Variants in ATG10 observed in about 807,000 individuals in gnomAD.
The protein encoded by ATG10 is ubiquitin-like-conjugating enzyme ATG10.
ATG10 carries 30 observed loss-of-function variants against 32.1 expected under a neutral mutation model. That is an observed-to-expected ratio of 0.94 (90% CI 0.70 to 1.27). The LOEUF (loss-of-function observed/expected upper bound fraction) is 1.27, where lower values mean the gene tolerates loss of function less well. Among genes scored for constraint, ATG10 ranks in the 50% most tolerant of loss-of-function variants. The pLI is 0.00. For missense variants in ATG10, 233 were observed against 262.3 expected (o/e 0.89, Z 0.77); for synonymous variants, 87 against 91.5 (o/e 0.95, Z 0.28).
At chr5:82,150,330 T>G (rs749273118) in intron 3 of ATG10, among the ~76,000 whole-genome samples, 1 of 152,164 alleles carries the variant, frequency 6.6e-6, no homozygotes, top group Non-Finnish European at 1.5e-5. Flanking sequence ...GTATAATTTT[T>G]CAGGGTGCTG....
chr5:82,160,534 T>C (rs1351373691), intron 3 of ATG10, among the ~76,000 whole-genome samples: 2 of 152,156 alleles, frequency 1.3e-5, no homozygotes, highest in African/African-American at 4.8e-5. Flanking sequence ...AGTTGGTCGG[T>C]TGTGTGGTAA....
intron 5 of ATG10, among the ~76,000 whole-genome samples, chr5:82,239,020 T>G (rs1746681428): frequency 6.6e-6 from 1 of 152,216 alleles, no homozygotes; most frequent in South Asian, 2.1e-4. Flanking sequence ...ACATAATTTT[T>G]TAAAGTAAAT....
At chr5:82,127,745 A>C (rs1290119869) in intron 3 of ATG10, among the ~76,000 whole-genome samples, 2 of 152,138 alleles carry the variant, frequency 1.3e-5, no homozygotes, top group Non-Finnish European at 2.9e-5. Flanking sequence ...TGCTGAGAAG[A>C]ATGTATATGC....
At chr5:82,043,243 G>A (rs931086849) in intron 2 of ATG10, among the ~76,000 whole-genome samples, 13 of 152,194 alleles carry the variant, frequency 8.5e-5, no homozygotes, top group South Asian at 4.1e-4. Flanking sequence ...CTCTGAAGCC[G>A]TGGCCCTAGC....
chr5:81,992,667 G>A (rs1761499052), intron 2 of ATG10, among the ~76,000 whole-genome samples: 1 of 152,074 alleles, frequency 6.6e-6, no homozygotes, highest in South Asian at 2.1e-4. Context: ...GCCTCCCAAA[G>A]TGCCGGGATT....
chr5:82,105,873 A>G (rs1361507614), intron 3 of ATG10, among the ~76,000 whole-genome samples: 3 of 152,176 alleles, frequency 2.0e-5, no homozygotes, highest in Non-Finnish European at 4.4e-5. Context: ...CTTAAGGAAA[A>G]AATGATTTCC....
intron 3 of ATG10, among the ~76,000 whole-genome samples, chr5:82,060,601 C>T (rs929478031): frequency 6.6e-6 from 1 of 152,112 alleles, no homozygotes; most frequent in East Asian, 1.9e-4. Flanking sequence ...GGTGGCTCAA[C>T]GCCTGTAATA....
At chr5:82,200,234 C>T (rs1018090415) in intron 5 of ATG10, among the ~76,000 whole-genome samples, 1 of 151,882 alleles carries the variant, frequency 6.6e-6, no homozygotes, top group African/African-American at 2.4e-5. Flanking sequence ...TTTTATACTC[C>T]CACTAGCAAT....
chr5:82,066,733 C>T (rs1435208304), intron 3 of ATG10, among the ~76,000 whole-genome samples: 2 of 152,062 alleles, frequency 1.3e-5, no homozygotes, highest in East Asian at 1.9e-4. Context: ...CTCATTTGCC[C>T]TAAGGATTTT....
At chr5:82,170,726 A>G (rs56309331) in intron 4 of ATG10, among the ~76,000 whole-genome samples, 2,491 of 152,090 alleles carry the variant, frequency 0.016, 68 homozygotes, top group African/African-American at 0.056. Flanking sequence ...CTGGCAGATC[A>G]CCTGAGGTCA....
At chr5:82,175,499 T>C (rs949485625) in intron 4 of ATG10, among the ~76,000 whole-genome samples, 15 of 152,306 alleles carry the variant, frequency 9.8e-5, no homozygotes, top group African/African-American at 2.9e-4. Flanking sequence ...AGGTGATGAT[T>C]GCACAACTCT....
At chr5:82,050,811 AG>A (rs1164778154) in intron 2 of ATG10, among the ~76,000 whole-genome samples, 1 of 135,962 alleles carries the variant, frequency 7.4e-6, no homozygotes, top group Non-Finnish European at 1.6e-5. Context: ...AGACCAGCCT[AG>A]GCAACATAGC....
chr5:82,015,943 A>G (rs559045893), intron 2 of ATG10, among the ~76,000 whole-genome samples: 8 of 152,222 alleles, frequency 5.3e-5, no homozygotes, highest in Non-Finnish European at 7.4e-5. Flanking sequence ...TTTTTTCCCC[A>G]TCTTCATGGT....
chr5:82,212,544 G>A (rs1465185994), intron 5 of ATG10, among the ~76,000 whole-genome samples: 1 of 152,126 alleles, frequency 6.6e-6, no homozygotes, highest in Non-Finnish European at 1.5e-5. Flanking sequence ...CTAATAAAAA[G>A]AGTAATACAA....
chr5:82,067,700 A>G (rs188203404), intron 3 of ATG10, among the ~76,000 whole-genome samples: 1 of 152,328 alleles, frequency 6.6e-6, no homozygotes, highest in African/African-American at 2.4e-5. Flanking sequence ...TCCTTGGCAA[A>G]GCAAAAAGAA....
At chr5:81,999,855 A>G (rs1419721815) in intron 2 of ATG10, among the ~76,000 whole-genome samples, 3 of 152,248 alleles carry the variant, frequency 2.0e-5, no homozygotes, top group Non-Finnish European at 2.9e-5. Context: ...GAACAGATCA[A>G]TAATGAGTTC....
chr5:82,067,869 A>G (rs890481137), intron 3 of ATG10, among the ~76,000 whole-genome samples: 2 of 152,132 alleles, frequency 1.3e-5, no homozygotes, highest in Non-Finnish European at 2.9e-5. Flanking sequence ...TTCTTTACAT[A>G]TAGTTGTAAT....
chr5:81,990,808 A>G (rs774168496), intron 2 of ATG10, among the ~76,000 whole-genome samples: 3 of 152,214 alleles, frequency 2.0e-5, no homozygotes, highest in Non-Finnish European at 2.9e-5. Context: ...TGCATGGCCT[A>G]TTGCTAGGCT....
chr5:82,115,973 C>T (rs551357031), intron 3 of ATG10, among the ~76,000 whole-genome samples: 1 of 152,206 alleles, frequency 6.6e-6, no homozygotes, highest in East Asian at 1.9e-4. Context: ...AGGCTGAGAA[C>T]ACAGTTTGCG....
Sources: allele counts gnomAD v4.1 joint callset (sites outside exome capture counted in the v4.1 genomes callset), GRCh38; gene constraint gnomAD v4.1.1; transcripts MANE v1.5; gene names NCBI Gene and HGNC (gene_info 2026-07-23, HGNC 2026-07-21).